Variants in CACNB2 observed in about 807,000 individuals in gnomAD.
CACNB2 encodes the protein calcium voltage-gated channel auxiliary subunit beta 2.
In CACNB2, 42 loss-of-function variants were observed where a neutral mutation model predicts 73.3. That is an observed-to-expected ratio of 0.57 (90% confidence interval 0.45 to 0.74). The LOEUF (loss-of-function observed/expected upper bound fraction) is 0.74. Ranked by LOEUF, CACNB2 falls within the 30% of genes least tolerant of loss-of-function variation. CACNB2 has a pLI of 0.00. For synonymous variants in CACNB2, 348 were observed against 310.3 expected (o/e 1.12, Z -1.28); for missense variants, 940 against 853.0 (o/e 1.10, Z -1.27).
intron 2 of CACNB2, among the ~76,000 whole-genome samples, chr10:18,328,253 C>G (rs908439183): frequency 1.3e-5 from 2 of 152,174 alleles, no homozygotes; most frequent in African/African-American, 4.8e-5. Context: ...TTAGAATCAT[C>G]TGGGGAACTT....
At chr10:18,365,027 TTAATC>T (rs1214452419) in intron 2 of CACNB2, among the ~76,000 whole-genome samples, 1 of 152,192 alleles carries the variant, frequency 6.6e-6, no homozygotes, top group African/African-American at 2.4e-5. Context: ...GGTGTATAAA[TTAATC>T]TAATCCAATC....
chr10:18,382,225 A>G (rs1017131730), intron 2 of CACNB2, among the ~76,000 whole-genome samples: 13 of 152,004 alleles, frequency 8.6e-5, no homozygotes, highest in African/African-American at 2.9e-4. Flanking sequence ...AGCATTGTCT[A>G]GAATTTTCCA....
intron 3 of CACNB2, among the ~76,000 whole-genome samples, chr10:18,442,313 C>A (rs894956150): frequency 6.6e-6 from 1 of 151,876 alleles, no homozygotes; most frequent in African/African-American, 2.4e-5. Flanking sequence ...CCACGCCCAG[C>A]CAATTTTTTG....
At chr10:18,378,931 CA>C (rs768814609) in intron 2 of CACNB2, among the ~76,000 whole-genome samples, 3 of 152,160 alleles carry the variant, frequency 2.0e-5, no homozygotes, top group Non-Finnish European at 4.4e-5. Context: ...CCTGCCAGCC[CA>C]GGGCTGTTCT....
At chr10:18,313,613 G>C (rs756078774) in intron 2 of CACNB2, among the ~76,000 whole-genome samples, 1 of 151,806 alleles carries the variant, frequency 6.6e-6, no homozygotes, top group Non-Finnish European at 1.5e-5. Context: ...CCCAGCTCGG[G>C]GTCTAAAGAG....
At chr10:18,518,205 C>G (rs1286168284) in intron 7 of CACNB2, 131 bp from the exon 8 acceptor site, 1 of 745,658 alleles carries the variant, frequency 1.3e-6, no homozygotes, top group African/African-American at 1.7e-5. Context: ...AGAAAAGAGG[C>G]AAGTGGGGAA....
chr10:18,228,863 C>A (rs1229499517), intron 2 of CACNB2, among the ~76,000 whole-genome samples: 3 of 152,128 alleles, frequency 2.0e-5, no homozygotes, highest in Non-Finnish European at 4.4e-5. Context: ...CTCAGCCTCC[C>A]AAGTAGCTGG....
intron 3 of CACNB2, among the ~76,000 whole-genome samples, chr10:18,458,031 C>T (rs1341880484): frequency 6.6e-6 from 1 of 152,196 alleles, no homozygotes; most frequent in Admixed American, 6.5e-5. Context: ...ACACATTTCA[C>T]TAAGCCAGAA....
chr10:18,353,610 A>G (rs2041802407), intron 2 of CACNB2, among the ~76,000 whole-genome samples: 1 of 152,184 alleles, frequency 6.6e-6, no homozygotes, highest in African/African-American at 2.4e-5. Flanking sequence ...AATTAACCAA[A>G]GACTCTAATT....
intron 2 of CACNB2, among the ~76,000 whole-genome samples, chr10:18,191,327 C>G (rs552545703): frequency 6.6e-6 from 1 of 152,320 alleles, no homozygotes; most frequent in Non-Finnish European, 1.5e-5. Context: ...GGAACTAGAA[C>G]TTGACACCAG....
chr10:18,481,201 TATATATATATATATATATATATATA>T (rs1564599062), intron 3 of CACNB2, among the ~76,000 whole-genome samples: 10 of 6,620 alleles, frequency 1.5e-3, no homozygotes, highest in Non-Finnish European at 3.0e-3. Flanking sequence ...GCTATATATA[TATATATATATATATATATATATATA>T]TATATTTTTT....
At chr10:18,186,526 A>G (rs1564327518) in intron 2 of CACNB2, among the ~76,000 whole-genome samples, 1 of 152,180 alleles carries the variant, frequency 6.6e-6, no homozygotes, top group Non-Finnish European at 1.5e-5. Flanking sequence ...TGATGCTGGC[A>G]TCTCCTCAGC....
intron 3 of CACNB2, among the ~76,000 whole-genome samples, chr10:18,463,474 A>G (rs2047691607): frequency 2.0e-5 from 3 of 152,096 alleles, no homozygotes; most frequent in Admixed American, 2.0e-4. Flanking sequence ...TGGCACAAGC[A>G]TAGCTCACTG....
intron 3 of CACNB2, among the ~76,000 whole-genome samples, chr10:18,414,772 CT>C (rs551133994): frequency 0.014 from 2,110 of 147,640 alleles, 46 homozygotes; most frequent in African/African-American, 0.047. Flanking sequence ...GCAGTTCAAG[CT>C]TTTTTTTTTT....
At chr10:18,415,119 A>G (rs1272835761) in intron 3 of CACNB2, among the ~76,000 whole-genome samples, 2 of 152,196 alleles carry the variant, frequency 1.3e-5, no homozygotes, top group Non-Finnish European at 2.9e-5. Flanking sequence ...CTCATGGTCT[A>G]ATGGTCATGC....
At chr10:18,220,199 G>GTGTGTA (rs1452227173) in intron 2 of CACNB2, among the ~76,000 whole-genome samples, 2 of 16,950 alleles carry the variant, frequency 1.2e-4, no homozygotes, top group Non-Finnish European at 1.8e-4. Context: ...ATATATGTGT[G>GTGTGTA]TGTATATATA....
intron 2 of CACNB2, among the ~76,000 whole-genome samples, chr10:18,351,150 CTT>C (rs5783596): frequency 6.4e-4 from 91 of 142,398 alleles, no homozygotes; most frequent in South Asian, 3.3e-3. Context: ...CCTTTCTTTT[CTT>C]TTTTTTTTTT....
chr10:18,220,546 G>C (rs2035751208), intron 2 of CACNB2, among the ~76,000 whole-genome samples: 1 of 151,876 alleles, frequency 6.6e-6, no homozygotes, highest in South Asian at 2.1e-4. Flanking sequence ...ACAGGTGTGA[G>C]CCACCGCACC....
Position 18,527,697 on chromosome 10 carries a change from G to C in CACNB2, c.1054G>C (p.Ala352Pro), listed in dbSNP as rs769771426. 1.3e-6 allele frequency: 2 copies of C among 1,596,568 alleles called. No homozygotes were observed. Among genetic ancestry groups the C allele is most frequent in the South Asian group, 2.2e-5 (2 of 90,756 alleles). Reference sequence around the variant, plus strand: ...AAGATCCAACACAAGGTCAAGCTTAGGTAAGTCTGTGCAATGAGCTTAAGC... The same window carrying C: ...AAGATCCAACACAAGGTCAAGCTTACGTAAGTCTGTGCAATGAGCTTAAGC... The part of the protein sequence containing the change: ...IERSNTRSSL[A>P]EVQSEIERIF... Residue 352 changes from alanine to proline, a missense_variant and splice_region_variant, in exon 10 of 14, where the codon GCG becomes CCG. Transcript: ENST00000324631.
Sources: gnomAD v4.1 joint callset for allele counts (sites outside exome capture counted in the v4.1 genomes callset) on GRCh38, gnomAD v4.1.1 for gene constraint, MANE v1.5 for transcripts, NCBI Gene and HGNC (gene_info 2026-07-23, HGNC 2026-07-21) for gene names.